Variants in RBM47 observed in about 807,000 individuals in gnomAD.
RBM47 encodes RNA binding motif protein 47, also known as RNA-binding protein 47.
RBM47 carries 21 observed loss-of-function variants against 47.1 expected under a neutral mutation model. The observed-to-expected ratio is 0.45, with a 90% CI of 0.32 to 0.64. RBM47 has a LOEUF of 0.64. Among genes scored for constraint, RBM47 ranks in the 30% least tolerant of loss-of-function variants. The pLI is 0.05. For synonymous variants in RBM47, 375 were observed against 361.7 expected, an observed-to-expected ratio of 1.04 and a Z score of -0.42; for missense variants, 708 against 870.9, an observed-to-expected ratio of 0.81 and a Z score of 2.35.
chr4:40,463,887 C>G (rs1309018643), intron 3 of RBM47, among the ~76,000 whole-genome samples: 4 of 151,986 alleles, frequency 2.6e-5, no homozygotes, highest in African/African-American at 9.7e-5. Context: ...GTGAAACGCA[C>G]ATTGCCATAT....
intron 1 of RBM47, among the ~76,000 whole-genome samples, chr4:40,552,936 T>G (rs1021942215): frequency 7.2e-5 from 11 of 151,766 alleles, no homozygotes; most frequent in Non-Finnish European, 4.4e-5. Flanking sequence ...TGCCATCTCC[T>G]CCAAGAAGTC....
chr4:40,515,605 G>T (rs1282219879), intron 2 of RBM47, among the ~76,000 whole-genome samples: 1 of 152,134 alleles, frequency 6.6e-6, no homozygotes, highest in African/African-American at 2.4e-5. Flanking sequence ...ATCTGCTGGG[G>T]TGGAAACAAA....
intron 2 of RBM47, among the ~76,000 whole-genome samples, chr4:40,478,119 G>A (rs1486770902): frequency 2.0e-5 from 3 of 149,928 alleles, no homozygotes; most frequent in East Asian, 2.0e-4. Context: ...GGGTTCAAGC[G>A]ATTCTCCTGC....
chr4:40,588,708 T>C (rs973554631), intron 1 of RBM47, among the ~76,000 whole-genome samples: 1 of 152,080 alleles, frequency 6.6e-6, no homozygotes, highest in African/African-American at 2.4e-5. Flanking sequence ...AATGAGCCAT[T>C]ACAAGTATAA....
intron 1 of RBM47, among the ~76,000 whole-genome samples, chr4:40,596,616 C>T (rs1040228993): frequency 6.6e-6 from 1 of 152,120 alleles, no homozygotes; most frequent in Non-Finnish European, 1.5e-5. Context: ...TATTTATGGA[C>T]AATGAAATTT....
At chr4:40,497,690 C>T (rs947711198) in intron 2 of RBM47, among the ~76,000 whole-genome samples, 4 of 150,390 alleles carry the variant, frequency 2.7e-5, no homozygotes, top group African/African-American at 4.9e-5. Flanking sequence ...GTAAGCCTCC[C>T]TGGCCAGGCA....
At chr4:40,488,196 C>A (rs566091340) in intron 2 of RBM47, among the ~76,000 whole-genome samples, 2 of 151,928 alleles carry the variant, frequency 1.3e-5, no homozygotes, top group Non-Finnish European at 2.9e-5. Flanking sequence ...CACCTGTAAT[C>A]GCCACTACTC....
intron 2 of RBM47, among the ~76,000 whole-genome samples, chr4:40,509,789 G>A (rs1724668337): frequency 1.3e-5 from 2 of 152,144 alleles, no homozygotes; most frequent in South Asian, 4.1e-4. Flanking sequence ...CGGAGGCTGA[G>A]GCAGAATGGT....
chr4:40,446,868 A>C (rs1406944478), intron 3 of RBM47, among the ~76,000 whole-genome samples: 9 of 152,158 alleles, frequency 5.9e-5, no homozygotes, highest in Admixed American at 1.3e-4. Flanking sequence ...TATCCCAGCC[A>C]ACTTTAAACC....
intron 2 of RBM47, among the ~76,000 whole-genome samples, chr4:40,468,764 A>T (rs1023677057): frequency 1.5e-4 from 23 of 152,230 alleles, no homozygotes; most frequent in African/African-American, 5.1e-4. Flanking sequence ...CAAATAAATT[A>T]CAGAGCAATA....
At position 40,423,398 on chromosome 4, in the gene RBM47, A is replaced by C. The variant is rs1193796882; in HGVS notation, c.*2506T>G. ...GCTAAAGTTAACTAAACCACTAGCAATGTTTGAAAACAGAACTCTAAAACT... is the reference window on the plus strand; with the variant it reads ...GCTAAAGTTAACTAAACCACTAGCACTGTTTGAAAACAGAACTCTAAAACT... On this transcript the variant is annotated 3_prime_UTR_variant, in exon 7 of 7. Coordinates refer to ENST00000295971, the MANE Select transcript of RBM47 (RefSeq NM_001098634.2). 6.6e-6 allele frequency: 1 copy of C among 152,168 alleles called. No homozygotes were observed. The highest frequency in any genetic ancestry group is 1.9e-4 in the East Asian group (1 of 5,204). 9.4% of individuals were successfully genotyped at this position (152,168 alleles called of 1,614,324 possible).
At position 40,525,366 on chromosome 4, in the gene RBM47, G is replaced by A. The variant is rs536032915; in HGVS notation, c.-155+19056C>T. 1.1e-3 allele frequency among the ~76,000 whole-genome samples: 163 copies of A among 152,298 alleles called. 1 individual carries two copies. Among genetic ancestry groups the A allele is most frequent in the African/African-American group, 3.4e-3 (143 of 41,572 alleles). ...CCAGCTACTTGGGAAGCTGAGGCAC[G>A]AGAATCGCTTGAACCCAGGAGGCAG... On this transcript the variant is annotated intron_variant, in intron 2 of 6. Transcript: ENST00000295971.
intron 1 of RBM47, among the ~76,000 whole-genome samples, chr4:40,594,873 T>G (rs1335730967): frequency 6.6e-6 from 1 of 152,222 alleles, no homozygotes; most frequent in African/African-American, 2.4e-5. Flanking sequence ...GGTTTATTAT[T>G]TTATTTCATG....
chr4:40,481,874 G>A (rs911978994), intron 2 of RBM47, among the ~76,000 whole-genome samples: 12 of 151,968 alleles, frequency 7.9e-5, no homozygotes, highest in African/African-American at 2.7e-4. Flanking sequence ...TAATAGAGAT[G>A]GAGTTTCGCC....
At chr4:40,533,358 C>T (rs1041702759) in intron 2 of RBM47, among the ~76,000 whole-genome samples, 4 of 150,080 alleles carry the variant, frequency 2.7e-5, no homozygotes, top group Non-Finnish European at 4.4e-5. Context: ...CACTTGAACT[C>T]GGGAGGCAGA....
intron 3 of RBM47, among the ~76,000 whole-genome samples, chr4:40,460,121 C>G (rs183009452): frequency 2.0e-5 from 3 of 152,294 alleles, no homozygotes; most frequent in Admixed American, 2.0e-4. Flanking sequence ...CACACCAACC[C>G]CTAATGGATT....
intron 2 of RBM47, among the ~76,000 whole-genome samples, chr4:40,483,000 T>A (rs1168011633): frequency 6.6e-6 from 1 of 152,096 alleles, no homozygotes; most frequent in Non-Finnish European, 1.5e-5. Context: ...TCGAAAAAAA[T>A]CAAACACTAA....
intron 3 of RBM47, among the ~76,000 whole-genome samples, chr4:40,453,250 G>C (rs1715728860): frequency 6.6e-6 from 1 of 152,176 alleles, no homozygotes; most frequent in Non-Finnish European, 1.5e-5. Context: ...AACCATATAA[G>C]ATTGTTCAGC....
At chr4:40,509,784 G>T (rs1214382393) in intron 2 of RBM47, among the ~76,000 whole-genome samples, 1 of 152,154 alleles carries the variant, frequency 6.6e-6, no homozygotes, top group East Asian at 1.9e-4. Flanking sequence ...TACTGCGGAG[G>T]CTGAGGCAGA....
Sources: allele counts gnomAD v4.1 joint callset (sites outside exome capture counted in the v4.1 genomes callset), GRCh38; gene constraint gnomAD v4.1.1; transcripts MANE v1.5; gene names NCBI Gene and HGNC (gene_info 2026-07-23, HGNC 2026-07-21).